CPED1: variants seen among roughly 807,000 people sequenced by gnomAD.
The protein encoded by CPED1 is cadherin like and PC-esterase domain containing 1, also known as cadherin-like and PC-esterase domain-containing protein 1.
CPED1 carries 114 observed loss-of-function variants against 128.2 expected under a neutral mutation model. The ratio of observed to expected loss-of-function variants is 0.89; its 90% CI spans 0.76 to 1.04. The LOEUF (loss-of-function observed/expected upper bound fraction) is 1.04. CPED1 is among the 50% of genes least tolerant of loss of function. The probability of loss-of-function intolerance (pLI) is 0.00; values close to 1 mark genes in which losing one functional copy is unlikely to be tolerated. For missense variants in CPED1, 1,211 were observed against 1,207.1 expected (o/e 1.00, Z -0.05); for synonymous variants, 462 against 426.7 (o/e 1.08, Z -1.02).
In CPED1 at chr7:121,172,656, G is replaced by GGATA. The variant is rs1394418998; in HGVS notation, c.2055+30516_2055+30519dup. Reference sequence around the variant, plus strand: ...TGGGTGGGTGGGTGGTTGGATGGATGGATACATAGATAGATAGATAGATAG... The same window carrying GGATA: ...TGGGTGGGTGGGTGGTTGGATGGATGGATAGATACATAGATAGATAGATAGATAG... On this transcript the variant is annotated intron_variant, in intron 16 of 22. Transcript: ENST00000310396. Among the ~76,000 whole-genome samples, 165 of 66,870 alleles carry GGATA rather than the reference G, an allele frequency of 2.5e-3. 1 individual carries two copies. Among genetic ancestry groups the GGATA allele is most frequent in the Admixed American group, 3.3e-3 (17 of 5,218 alleles). 43.9% of individuals were successfully genotyped at this position (66,870 alleles called of 152,430 possible).
chr7:121,074,583 A>G lies in CPED1; in HGVS notation c.616+10270A>G, dbSNP rs897245517. Among the ~76,000 whole-genome samples the G allele has an allele frequency of 4.8e-4, 58 of 121,756 alleles. 1 individual carries two copies. Among genetic ancestry groups the G allele is most frequent in the Non-Finnish European group, 4.8e-5 (3 of 62,274 alleles). 79.9% of individuals were successfully genotyped at this position (121,756 alleles called of 152,430 possible). A position where few individuals can be genotyped will look rare whatever the true frequency, so the allele number is the denominator to read the frequency against. On this transcript the variant is annotated intron_variant, in intron 5 of 22. Transcript: ENST00000310396. ...TTCAGGCAGATATCCTTTCTCCTCA[A>G]TGATTTTCTTAATGGTGTCTGGGAA...
At chr7:121,023,989 C>T (rs1307696849) in intron 3 of CPED1, among the ~76,000 whole-genome samples, 2 of 152,022 alleles carry the variant, frequency 1.3e-5, no homozygotes, top group Non-Finnish European at 2.9e-5. Flanking sequence ...TGCTTCTGTA[C>T]TTTATTTAGT....
chr7:121,095,467 C>A (rs1454544074), intron 5 of CPED1, among the ~76,000 whole-genome samples: 2 of 150,164 alleles, frequency 1.3e-5, no homozygotes, highest in Admixed American at 1.3e-4. Context: ...TTAGAGGGGA[C>A]AGCTAATTAC....
intron 16 of CPED1, among the ~76,000 whole-genome samples, chr7:121,208,016 C>T (rs1456706785): frequency 6.6e-6 from 1 of 152,002 alleles, no homozygotes; most frequent in Admixed American, 6.6e-5. Context: ...ACAATAGCCT[C>T]CTAACTCACT....
At chr7:121,099,163 T>G (rs1196011569) in intron 6 of CPED1, among the ~76,000 whole-genome samples, 2 of 151,900 alleles carry the variant, frequency 1.3e-5, no homozygotes, top group Non-Finnish European at 2.9e-5. Context: ...AACTTAACAT[T>G]TTTTTCTAGA....
rs1310311082 is a variant in CPED1 at position 121,100,383 on chromosome 7, CTG to C, written c.918+291_918+292del. Among the ~76,000 whole-genome samples the C allele has an allele frequency of 1.3e-4, 20 of 152,296 alleles. No individual in the cohort carries two copies. The East Asian group carries it at 2.5e-3, about 19-fold the overall frequency. ...TACAGAGCTAGTTCACAGCTATACTCTGTTTTTCTTAATTTTTCACTTATTCA... is the reference window on the plus strand; with the variant it reads ...TACAGAGCTAGTTCACAGCTATACTCTTTTTCTTAATTTTTCACTTATTCA... On this transcript the variant is annotated intron_variant, in intron 7 of 22. Coordinates refer to ENST00000310396, the MANE Select transcript of CPED1 (RefSeq NM_024913.5).
rs140198346 is a variant in CPED1, at chr7:121,260,470, A to C, written c.2311-5757A>C. 5.5e-3 allele frequency among the ~76,000 whole-genome samples: 834 copies of C among 152,068 alleles called. 18 individuals are homozygous for C. The highest frequency in any genetic ancestry group is 1.7e-3 in the Non-Finnish European group (117 of 67,958). On this transcript the variant is annotated intron_variant, in intron 18 of 22. Transcript: ENST00000310396. ...TAGCCGTCTGACCAGTCTCAGCTTCATATTACAACTGAACCACCCCTTTCA... is the reference window on the plus strand; with the variant it reads ...TAGCCGTCTGACCAGTCTCAGCTTCCTATTACAACTGAACCACCCCTTTCA...
chr7:121,186,820 A>G (rs1054558512), intron 16 of CPED1, among the ~76,000 whole-genome samples: 1 of 152,176 alleles, frequency 6.6e-6, no homozygotes, highest in Non-Finnish European at 1.5e-5. Context: ...GAGAAAAAAA[A>G]TTCTTGACCC....
intron 3 of CPED1, among the ~76,000 whole-genome samples, chr7:121,026,262 G>C (rs1792578946): frequency 6.6e-6 from 1 of 152,092 alleles, no homozygotes; most frequent in Admixed American, 6.5e-5. Flanking sequence ...AGAGAAACTG[G>C]CCTGTTCAGG....
At chr7:121,197,863 G>C (rs750005354) in intron 16 of CPED1, among the ~76,000 whole-genome samples, 2 of 152,122 alleles carry the variant, frequency 1.3e-5, no homozygotes, top group Non-Finnish European at 2.9e-5. Context: ...CATCTGTGGA[G>C]TATACAAAGT....
intron 18 of CPED1, among the ~76,000 whole-genome samples, chr7:121,259,674 ACAAT>A (rs1677387931): frequency 1.3e-5 from 2 of 152,058 alleles, no homozygotes; most frequent in African/African-American, 2.4e-5. Flanking sequence ...TAGAAATATG[ACAAT>A]CAAATTTACA....
chr7:121,292,280 A>T (rs777916059), intron 22 of CPED1, among the ~76,000 whole-genome samples: 2 of 150,968 alleles, frequency 1.3e-5, no homozygotes, highest in Non-Finnish European at 2.9e-5. Flanking sequence ...TCAATCTCTG[A>T]TATGCTTTCT....
chr7:121,009,306 G>T (rs900717408), intron 2 of CPED1, among the ~76,000 whole-genome samples: 6 of 151,908 alleles, frequency 3.9e-5, no homozygotes, highest in Non-Finnish European at 7.4e-5. Context: ...GAAAAAGGAG[G>T]CCAGTAGAAA....
At chr7:121,141,948 T>C (rs766931013) in intron 15 of CPED1, 25 bp from the exon 16 acceptor site, 2 of 1,600,418 alleles carry the variant, frequency 1.2e-6, no homozygotes, top group African/African-American at 1.3e-5. Flanking sequence ...TCATATTCTA[T>C]TTCTCTCTCC....
intron 2 of CPED1, among the ~76,000 whole-genome samples, chr7:121,002,204 A>G (rs549702259): frequency 2.0e-5 from 3 of 152,300 alleles, no homozygotes; most frequent in African/African-American, 7.2e-5. Flanking sequence ...TAGCATTCCA[A>G]TAGCTACAGC....
At chr7:121,269,887 A>G (rs1179157229) in intron 21 of CPED1, among the ~76,000 whole-genome samples, 1 of 152,112 alleles carries the variant, frequency 6.6e-6, no homozygotes, top group Admixed American at 6.6e-5. Context: ...AGACTATACA[A>G]GAAGCATGGT....
chr7:121,139,468 A>G (rs531983745), intron 14 of CPED1, among the ~76,000 whole-genome samples: 1 of 152,038 alleles, frequency 6.6e-6, no homozygotes, highest in African/African-American at 2.4e-5. Context: ...AACTAGAATG[A>G]TGCATCCATA....
At chr7:121,231,291 T>C (rs1798134761) in intron 16 of CPED1, among the ~76,000 whole-genome samples, 1 of 152,096 alleles carries the variant, frequency 6.6e-6, no homozygotes. Flanking sequence ...TTTACTTTAC[T>C]ACAACATAAG....
At chr7:121,150,918 G>T (rs1420185207) in intron 16 of CPED1, among the ~76,000 whole-genome samples, 1 of 152,022 alleles carries the variant, frequency 6.6e-6, no homozygotes, top group African/African-American at 2.4e-5. Flanking sequence ...ACAGGCGCCT[G>T]CCACCACACC....
Sources: gnomAD v4.1 joint callset for allele counts (sites outside exome capture counted in the v4.1 genomes callset) on GRCh38, gnomAD v4.1.1 for gene constraint, MANE v1.5 for transcripts, NCBI Gene and HGNC (gene_info 2026-07-23, HGNC 2026-07-21) for gene names.